Variants in SMURF2 observed in about 807,000 individuals in gnomAD.
SMURF2 encodes SMAD specific E3 ubiquitin protein ligase 2.
SMURF2 carries 48 observed loss-of-function variants against 109.6 expected under a neutral mutation model. That is an observed-to-expected ratio of 0.44 (90% CI 0.35 to 0.56). The LOEUF (loss-of-function observed/expected upper bound fraction) is 0.56. Among genes scored for constraint, SMURF2 ranks in the 20% least tolerant of loss-of-function variants. The pLI, the probability that SMURF2 is intolerant of heterozygous loss-of-function variation, is 0.01. For missense variants in SMURF2, 575 were observed against 909.0 expected, an observed-to-expected ratio of 0.63 and a Z score of 4.72; for synonymous variants, 288 against 317.1, an observed-to-expected ratio of 0.91 and a Z score of 0.97.
At chr17:64,644,428 T>C (rs77257599) in intron 1 of SMURF2, among the ~76,000 whole-genome samples, 1 of 96,242 alleles carries the variant, frequency 1.0e-5, no homozygotes, top group Admixed American at 1.1e-4. Flanking sequence ...CTACTAAAAA[T>C]AGAAAAAAAA....
rs1389472404 is a variant in SMURF2 at position 64,545,738 on chromosome 17, G to C, written c.*110C>G. The C allele has an allele frequency of 4.4e-5, 16 of 365,798 alleles. No homozygotes were observed. Among genetic ancestry groups the C allele is most frequent in the South Asian group, 2.0e-4 (3 of 14,938 alleles). 22.7% of individuals were successfully genotyped at this position (365,798 alleles called of 1,614,324 possible). On this transcript the variant is annotated 3_prime_UTR_variant, in exon 19 of 19. Transcript: ENST00000262435. Reference sequence around the variant, plus strand: ...ATGTAAAAAAAAAAAAAAAAAGGGGGGGGGGGGGAGTGTTTTCCTGTATTT... The same window carrying C: ...ATGTAAAAAAAAAAAAAAAAAGGGGCGGGGGGGGAGTGTTTTCCTGTATTT...
chr17:64,607,492 G>A (rs1969986324), intron 1 of SMURF2, among the ~76,000 whole-genome samples: 1 of 151,946 alleles, frequency 6.6e-6, no homozygotes, highest in African/African-American at 2.4e-5. Flanking sequence ...TGGGCGTGGT[G>A]GCGTGCGCCT....
rs1969571760 is a variant in SMURF2 at position 64,580,968 on chromosome 17, G to C, written c.593C>G (p.Pro198Arg). Residue 198 changes from proline to arginine, a missense_variant, in exon 8 of 19, where the codon CCT becomes CGT. Physicochemically the swap from Pro to Arg is moderately radical, Grantham distance 103. Transcript: ENST00000262435. ...PTRPASEYSSPGRPLSCFVDE... is the reference protein window; with the variant it reads ...PTRPASEYSSRGRPLSCFVDE... ...AACAAAGCAGCTAAGAGGTCTGCCA[G>C]GGCTAGAATATTCGGATGCCGGTCT... is the stretch of plus-strand genomic sequence containing the variant. 2.5e-6 allele frequency: 4 copies of C among 1,614,132 alleles called. No individual in the cohort carries two copies. Among genetic ancestry groups the C allele is most frequent in the Non-Finnish European group, 3.4e-6 (4 of 1,180,016 alleles).
chr17:64,547,688 C>T lies in SMURF2; in HGVS notation c.1983G>A (p.Glu661=), dbSNP rs1247366709. Residue 661 remains glutamate, a synonymous_variant, in exon 17 of 19, where the codon GAG becomes GAA. Transcript: ENST00000262435. The surrounding 1 kb of genome is among the most constrained non-coding windows in gnomAD (Gnocchi z 4.2). ...TTGCTCGTCGCTCTTCATCAAAAAA[C>T]TCCACAGCTTTCCAGAACCATTTGA... ...NIVKWFWKAV[E]FFDEERRARL... 4 of 1,614,026 alleles carry T rather than the reference C, an allele frequency of 2.5e-6. No homozygotes were observed. In the Admixed American group the frequency reaches 5.0e-5, roughly 20 times the overall value.
At chr17:64,550,716 G>T (rs938495568) in intron 16 of SMURF2, among the ~76,000 whole-genome samples, 6 of 148,150 alleles carry the variant, frequency 4.0e-5, no homozygotes, top group Non-Finnish European at 8.9e-5. Context: ...GGAGGTGGAG[G>T]TTGCAGTGCC....
At chr17:64,589,539 G>A (rs1405652348) in intron 5 of SMURF2, among the ~76,000 whole-genome samples, 2 of 152,000 alleles carry the variant, frequency 1.3e-5, no homozygotes, top group Admixed American at 6.6e-5. Flanking sequence ...CCGCACAACA[G>A]GAGTGAGTGG....
At chr17:64,651,676 C>T (rs1423590275) in intron 1 of SMURF2, among the ~76,000 whole-genome samples, 1 of 151,922 alleles carries the variant, frequency 6.6e-6, no homozygotes, top group Non-Finnish European at 1.5e-5. Flanking sequence ...GTAATCCCAG[C>T]ACTTTGGAAA....
At chr17:64,560,472 TA>T (rs1233950026) in intron 12 of SMURF2, among the ~76,000 whole-genome samples, 7 of 152,134 alleles carry the variant, frequency 4.6e-5, no homozygotes, top group African/African-American at 1.7e-4. Flanking sequence ...AGGCTACAAA[TA>T]CACACATGTA....
intron 1 of SMURF2, among the ~76,000 whole-genome samples, chr17:64,645,922 C>A (rs1195058538): frequency 6.6e-6 from 1 of 152,020 alleles, no homozygotes; most frequent in African/African-American, 2.4e-5. Flanking sequence ...CTAAGAAAAC[C>A]TATTCACATA....
intron 5 of SMURF2, among the ~76,000 whole-genome samples, chr17:64,588,934 T>C (rs1555687376): frequency 6.6e-6 from 1 of 152,140 alleles, no homozygotes; most frequent in African/African-American, 2.4e-5. Flanking sequence ...GGGAATACAG[T>C]TTTTAAAGTT....
At chr17:64,660,872 T>C (rs1297502248) in intron 1 of SMURF2, 1 of 152,136 alleles carries the variant, frequency 6.6e-6, no homozygotes, top group Non-Finnish European at 1.5e-5. Context: ...CATGTAAGAA[T>C]ACCAAAAATG....
At chr17:64,657,917 T>C (rs986667209) in intron 1 of SMURF2, among the ~76,000 whole-genome samples, 1 of 152,134 alleles carries the variant, frequency 6.6e-6, no homozygotes, top group Admixed American at 6.5e-5. Context: ...CCTTGGCATG[T>C]TCTACTGCCT....
intron 1 of SMURF2, among the ~76,000 whole-genome samples, chr17:64,629,328 C>T (rs916818437): frequency 3.3e-5 from 5 of 152,096 alleles, no homozygotes; most frequent in South Asian, 4.2e-4. Flanking sequence ...TAGTGAGACC[C>T]TGTCTCTATA....
At chr17:64,620,920 T>C (rs1271422401) in intron 1 of SMURF2, among the ~76,000 whole-genome samples, 1 of 152,214 alleles carries the variant, frequency 6.6e-6, no homozygotes, top group Non-Finnish European at 1.5e-5. Context: ...TCCCCTAACC[T>C]AGTAACTCTT....
chr17:64,583,613 T>C, intron 6 of SMURF2, 69 bp from the exon 7 acceptor site: 1 of 1,112,222 alleles, frequency 9.0e-7, no homozygotes. Flanking sequence ...AGCAAGCCAG[T>C]AAGACATCTG....
chr17:64,662,139 TCCGCCCGCGCCCCCGCCGCCTCCTC>T lies in SMURF2; in HGVS notation c.-284_-260del. 1 of 1,024,732 alleles carries T rather than the reference TCCGCCCGCGCCCCCGCCGCCTCCTC, an allele frequency of 9.8e-7. No homozygotes were observed. The highest frequency in any genetic ancestry group is 1.2e-6 in the Non-Finnish European group (1 of 857,022). 63.5% of individuals were successfully genotyped at this position (1,024,732 alleles called of 1,614,324 possible). On this transcript the variant is annotated 5_prime_UTR_variant, in exon 1 of 19. Coordinates refer to ENST00000262435, the MANE Select transcript of SMURF2 (RefSeq NM_022739.4). ...GGCAGCCGCGGCCGCCCGCGCCGCC[TCCGCCCGCGCCCCCGCCGCCTCCTC>T]GCGGCCGCCGAGGCCTTTCCCTCCT...
At chr17:64,563,300 T>C in intron 10 of SMURF2, 1 of 177,478 alleles carries the variant, frequency 5.6e-6, no homozygotes, top group South Asian at 1.5e-4. Context: ...TGCCAAACAC[T>C]GCTTGTTATC....
chr17:64,556,335 G>A (rs1449110547), intron 13 of SMURF2, among the ~76,000 whole-genome samples: 1 of 151,732 alleles, frequency 6.6e-6, no homozygotes, highest in African/African-American at 2.4e-5. Flanking sequence ...TGAGCCCTTT[G>A]TCATGAAAAA....
chr17:64,567,282 T>C (rs943067154), intron 10 of SMURF2, among the ~76,000 whole-genome samples: 51 of 152,160 alleles, frequency 3.4e-4, no homozygotes, highest in Non-Finnish European at 1.0e-4. Flanking sequence ...AACTTCCAGA[T>C]AATGCAAATG....
Sources: allele counts gnomAD v4.1 joint callset (sites outside exome capture counted in the v4.1 genomes callset), GRCh38; gene constraint gnomAD v4.1.1; non-coding constraint Gnocchi (gnomAD v3.1); transcripts MANE v1.5; gene names NCBI Gene and HGNC (gene_info 2026-07-23, HGNC 2026-07-21).